CSMD2: variants seen among roughly 807,000 people sequenced by gnomAD.
The protein encoded by CSMD2 is CUB and sushi domain-containing protein 2.
A neutral mutation model predicts 398.5 loss-of-function variants in CSMD2; 130 were observed. The ratio of observed to expected loss-of-function variants is 0.33; its 90% CI spans 0.28 to 0.38. The LOEUF is 0.38. Among genes scored for constraint, CSMD2 ranks in the 10% least tolerant of loss-of-function variants. The pLI is 1.00. For missense variants in CSMD2, 3,829 were observed against 4,764.9 expected, an observed-to-expected ratio of 0.80 and a Z score of 5.78; for synonymous variants, 1,828 against 1,908.5, an observed-to-expected ratio of 0.96 and a Z score of 1.10.
chr1:34,018,686 C>T (rs2148102987), intron 3 of CSMD2, among the ~76,000 whole-genome samples: 1 of 152,352 alleles, frequency 6.6e-6, no homozygotes, highest in South Asian at 2.1e-4. Context: ...ACTCTATTTC[C>T]TCTGGTGTGA....
intron 12 of CSMD2, among the ~76,000 whole-genome samples, chr1:33,787,824 T>G (rs2124841465): frequency 6.6e-6 from 1 of 152,114 alleles, no homozygotes; most frequent in East Asian, 1.9e-4. Context: ...GGCCCCAGGG[T>G]TTGCAGTTCC....
chr1:33,540,423 A>AG, intron 60 of CSMD2, 102 bp downstream of exon 60: 1 of 1,171,612 alleles, frequency 8.5e-7, no homozygotes, highest in Non-Finnish European at 1.2e-6. Flanking sequence ...GGTTTTGGGG[A>AG]GGGGACTACC....
intron 5 of CSMD2, chr1:33,863,841 C>G (rs1257306969): frequency 5.1e-6 from 1 of 196,138 alleles, no homozygotes; most frequent in Non-Finnish European, 1.0e-5. Flanking sequence ...TCCAGGAAGC[C>G]AAGGAGAATT....
At chr1:34,061,909 GC>G (rs1382798906) in intron 2 of CSMD2, among the ~76,000 whole-genome samples, 1 of 152,130 alleles carries the variant, frequency 6.6e-6, no homozygotes, top group Non-Finnish European at 1.5e-5. Context: ...GAGGTTGAAA[GC>G]ATTATCTTCC....
intron 10 of CSMD2, among the ~76,000 whole-genome samples, chr1:33,793,687 T>C (rs1417883726): frequency 1.8e-5 from 1 of 54,588 alleles, no homozygotes; most frequent in Non-Finnish European, 3.8e-5. Context: ...GTGGAACTCA[T>C]TGGCAGGAGT....
At position 33,636,175 on chromosome 1, in the gene CSMD2, AG is replaced by A. The variant is rs1642789009; in HGVS notation, c.4969+184del. ...ATGGGTTCTGAGATGATACCTTGAA[AG>A]GAACTGCACACCTAGTGAATTATAA... On this transcript the variant is annotated intron_variant, in intron 30 of 70. Transcript: ENST00000373381. This position sits in a 1 kb window ranked among gnomAD's most constrained non-coding sequence, Gnocchi z 4.8. 6.6e-6 allele frequency among the ~76,000 whole-genome samples: 1 copy of A among 152,138 alleles called. No homozygotes were observed. Among genetic ancestry groups the A allele is most frequent in the African/African-American group, 2.4e-5 (1 of 41,422 alleles).
At chr1:33,623,284 CAAT>C (rs1263650852) in intron 36 of CSMD2, 83 bp downstream of exon 36, 3 of 918,694 alleles carry the variant, frequency 3.3e-6, no homozygotes, top group South Asian at 2.9e-5. Context: ...AGTGATATCT[CAAT>C]AATAATAATG....
intron 15 of CSMD2, among the ~76,000 whole-genome samples, chr1:33,731,150 T>A (rs994907373): frequency 6.6e-6 from 1 of 152,248 alleles, no homozygotes; most frequent in African/African-American, 2.4e-5. Flanking sequence ...TATTTAAAAA[T>A]GTGCAACTTT....
intron 29 of CSMD2, among the ~76,000 whole-genome samples, chr1:33,637,174 G>A (rs567718641): frequency 9.2e-5 from 14 of 152,280 alleles, no homozygotes; most frequent in African/African-American, 3.4e-4. Flanking sequence ...TCTTCTGAGT[G>A]CATGGGTACC....
At chr1:33,603,760 G>T (rs1003611415) in intron 42 of CSMD2, among the ~76,000 whole-genome samples, 7 of 152,208 alleles carry the variant, frequency 4.6e-5, no homozygotes, top group African/African-American at 1.7e-4. Context: ...ATCTGGTTTT[G>T]TGAGAGTAAG....
rs776173509 is a variant in CSMD2, at chr1:33,626,528, T to C, written c.5254A>G (p.Lys1752Glu). The change falls in exon 33 of 71, where the codon AAA (lysine) becomes GAA (glutamate). Residue 1752 changes from lysine (K) to glutamate (E), a missense_variant. Lys to Glu is a moderately conservative substitution (Grantham distance 56). Around this residue, in one of 5 missense-constraint regions of CSMD2, gnomAD observed 2,001 missense variants for 2,567.1 expected, o/e 0.78. Coordinates refer to ENST00000373381, the MANE Select transcript of CSMD2 (RefSeq NM_001281956.2). Reference protein sequence around the residue: ...SNQVLIKFSAKGLAPARGFHF... With the variant: ...SNQVLIKFSAEGLAPARGFHF... ...AAGCCTCTGGCTGGTGCGAGGCCTT[T>C]GGCGCTGAACTTAATGAGAACTTGA... 6 of 1,609,468 alleles carry C rather than the reference T, an allele frequency of 3.7e-6. No homozygotes were observed. The highest frequency in any genetic ancestry group is 1.1e-5 in the South Asian group (1 of 89,410).
chr1:34,027,756 C>T (rs963321249), intron 3 of CSMD2, among the ~76,000 whole-genome samples: 9 of 151,500 alleles, frequency 5.9e-5, no homozygotes, highest in African/African-American at 1.7e-4. Flanking sequence ...CAAGTGCACA[C>T]GGATCCACAC....
At chr1:34,042,486 TTG>T (rs1651964537) in intron 2 of CSMD2, among the ~76,000 whole-genome samples, 1 of 152,226 alleles carries the variant, frequency 6.6e-6, no homozygotes, top group Admixed American at 6.5e-5. Flanking sequence ...CTCTTTAAGA[TTG>T]TCTCTGTGCT....
chr1:33,600,599 G>A, intron 44 of CSMD2: 1 of 550,018 alleles, frequency 1.8e-6, no homozygotes, highest in South Asian at 2.3e-5. Context: ...GTGAATGAGT[G>A]GACTTGGCAC....
chr1:34,051,455 ATG>A (rs1326586491), intron 2 of CSMD2, among the ~76,000 whole-genome samples: 2 of 152,198 alleles, frequency 1.3e-5, no homozygotes, highest in African/African-American at 4.8e-5. Flanking sequence ...ATATCTATTC[ATG>A]TGTGTATATA....
At chr1:33,716,992 C>T (rs1361052641) in intron 19 of CSMD2, among the ~76,000 whole-genome samples, 3 of 152,132 alleles carry the variant, frequency 2.0e-5, no homozygotes, top group East Asian at 1.9e-4. Flanking sequence ...AAGCAGTTGA[C>T]AGCAGGAAGA....
At chr1:33,978,863 A>T (rs1159263230) in intron 3 of CSMD2, among the ~76,000 whole-genome samples, 1 of 152,196 alleles carries the variant, frequency 6.6e-6, no homozygotes, top group Non-Finnish European at 1.5e-5. Context: ...CTCTTTGCAA[A>T]ATTATCTCAC....
chr1:33,819,713 C>T lies in CSMD2; in HGVS notation c.1324G>A (p.Ala442Thr). The stretch of plus-strand genomic sequence containing the variant: ...CCTCCCTTCCCCAGGGCACCCTCAC[C>T]TCGGCAGACTGGCCTGTGGTCGCTC... ...AWSDHRPVCR[A>T]RMCDAHLRGP... The change falls in exon 9 of 71, where the codon GCC becomes ACC. Residue 442 changes from alanine to threonine, a missense_variant and splice_region_variant. Transcript: ENST00000373381. 1.9e-6 allele frequency: 3 copies of T among 1,613,004 alleles called. No homozygotes were observed. Among genetic ancestry groups the T allele is most frequent in the Non-Finnish European group, 2.5e-6 (3 of 1,179,834 alleles).
chr1:33,545,637 ATCAC>A (rs1656806818), intron 57 of CSMD2, among the ~76,000 whole-genome samples: 1 of 152,148 alleles, frequency 6.6e-6, no homozygotes, highest in South Asian at 2.1e-4. Flanking sequence ...TCCTAATACT[ATCAC>A]TGGGTGACCA....
Sources: gnomAD v4.1 joint callset for allele counts (sites outside exome capture counted in the v4.1 genomes callset) on GRCh38, gnomAD v4.1.1 for gene constraint, gnomAD v4.1.1 regional missense constraint, Gnocchi (gnomAD v3.1) non-coding constraint, MANE v1.5 for transcripts, NCBI Gene and HGNC (gene_info 2026-07-23, HGNC 2026-07-21) for gene names.